The following MED26 variants were observed in gnomAD, a reference collection of about 807,000 sequenced individuals.
MED26 encodes mediator of RNA polymerase II transcription subunit 26.
A neutral mutation model predicts 43.7 loss-of-function variants in MED26; 7 were observed. That is an observed-to-expected ratio of 0.16 (90% confidence interval 0.09 to 0.30). The LOEUF is 0.30. MED26 is among the 10% of genes least tolerant of loss of function. The pLI is 1.00. For synonymous variants in MED26, 375 were observed against 371.1 expected, an observed-to-expected ratio of 1.01 and a Z score of -0.12; for missense variants, 784 against 840.6, an observed-to-expected ratio of 0.93 and a Z score of 0.83.
chr19:16,613,835 T>C (rs2086210737), intron 1 of MED26, among the ~76,000 whole-genome samples: 1 of 152,182 alleles, frequency 6.6e-6, no homozygotes. Flanking sequence ...CCAAAGGATG[T>C]CGAGCCCTTG....
intron 1 of MED26, among the ~76,000 whole-genome samples, chr19:16,594,495 C>T (rs1013828221): frequency 6.6e-6 from 1 of 152,198 alleles, no homozygotes; most frequent in Non-Finnish European, 1.5e-5. Flanking sequence ...TGCCAGAGGA[C>T]ACCCTGCAGC....
At chr19:16,592,640 G>A (rs2086103195) in intron 1 of MED26, among the ~76,000 whole-genome samples, 1 of 152,166 alleles carries the variant, frequency 6.6e-6, no homozygotes, top group African/African-American at 2.4e-5. Flanking sequence ...CATAACCAGT[G>A]TCCCCACCTT....
At chr19:16,626,807 C>T (rs982029447) in intron 1 of MED26, among the ~76,000 whole-genome samples, 15 of 152,164 alleles carry the variant, frequency 9.9e-5, no homozygotes, top group Admixed American at 9.2e-4. Context: ...GGCCTCCCCT[C>T]ATACCTGGAT....
At chr19:16,622,876 T>C (rs1226308424) in intron 1 of MED26, among the ~76,000 whole-genome samples, 2 of 152,166 alleles carry the variant, frequency 1.3e-5, no homozygotes, top group Non-Finnish European at 2.9e-5. Context: ...TAGAGCTCCA[T>C]CTGAGAAGAT....
In MED26 at chr19:16,577,010, T is replaced by G; in HGVS notation, c.820A>C (p.Ser274Arg). The change falls in exon 3 of 3, where the codon AGT becomes CGT. Residue 274 changes from serine (S) to arginine (R), a missense_variant. Around this residue, in one of 3 missense-constraint regions of MED26, gnomAD observed 719 missense variants for 730.9 expected, o/e 0.98. Coordinates refer to ENST00000263390, the MANE Select transcript of MED26 (RefSeq NM_004831.5). The surrounding 1 kb of genome is among the most constrained non-coding windows in gnomAD (Gnocchi z 8.1). ...CCCTCATGCCGTGAGTTCCGAGGAC[T>G]GAAAGAGCAGCGAGGGGGTCCCTTG... ...HPKGPPRCSF[S>R]PRNSRHEGSF... 1 of 1,608,184 alleles carries G rather than the reference T, an allele frequency of 6.2e-7. No homozygotes were observed.
chr19:16,613,396 T>C (rs1159568302), intron 1 of MED26, among the ~76,000 whole-genome samples: 3 of 152,104 alleles, frequency 2.0e-5, no homozygotes, highest in African/African-American at 4.8e-5. Context: ...GCTCTAGAGA[T>C]GTCAGAGGCC....
chr19:16,577,473 G>A lies in MED26; in HGVS notation c.357C>T (p.Gly119=). ...TCAGGTCATGGATGCTCCTGGGTGG[G>A]CCAGCCGCCCCCACCTCCGGCCGGC... ...HNCRPEVGAA[G]PPRSIHDLKS... Residue 119 remains glycine, a synonymous_variant, in exon 3 of 3, where the codon GGC becomes GGT. Transcript: ENST00000263390. The surrounding 1 kb of genome is among the most constrained non-coding windows in gnomAD (Gnocchi z 8.1). 1 of 1,588,524 alleles carries A rather than the reference G, an allele frequency of 6.3e-7. No individual in the cohort carries two copies. The highest frequency in any genetic ancestry group is 8.6e-7 in the Non-Finnish European group (1 of 1,164,780).
At chr19:16,599,954 A>G (rs964827721) in intron 1 of MED26, among the ~76,000 whole-genome samples, 3 of 152,196 alleles carry the variant, frequency 2.0e-5, no homozygotes, top group Non-Finnish European at 4.4e-5. Flanking sequence ...TTGCCACAGA[A>G]GCCTCAAAAG....
chr19:16,614,680 G>A (rs867395867), intron 1 of MED26, among the ~76,000 whole-genome samples: 3 of 152,130 alleles, frequency 2.0e-5, no homozygotes, highest in Non-Finnish European at 2.9e-5. Flanking sequence ...CAAACCTAAC[G>A]GAACTGAGCG....
At chr19:16,612,774 G>C (rs1013459579) in intron 1 of MED26, among the ~76,000 whole-genome samples, 3 of 152,182 alleles carry the variant, frequency 2.0e-5, no homozygotes, top group African/African-American at 7.2e-5. Context: ...CCTCTTCCAA[G>C]GAAGAGGCTC....
intron 1 of MED26, among the ~76,000 whole-genome samples, chr19:16,608,621 T>G (rs2086184860): frequency 6.6e-6 from 1 of 152,258 alleles, no homozygotes; most frequent in Non-Finnish European, 1.5e-5. Flanking sequence ...AGATTTTACT[T>G]TTTTCATTTT....
Position 16,628,102 on chromosome 19 carries a change from G to A in MED26, c.-159C>T. ...CGCGGGGTGGCGGAGAGGGGAGCCGGGGCCGGGTCTCGGTCCCGGGCCGCC... is the reference window on the plus strand; with the variant it reads ...CGCGGGGTGGCGGAGAGGGGAGCCGAGGCCGGGTCTCGGTCCCGGGCCGCC... On this transcript the variant is annotated 5_prime_UTR_variant, in exon 1 of 3. Transcript: ENST00000263390. The A allele has an allele frequency of 5.1e-6, 2 of 389,792 alleles. No individual in the cohort carries two copies. The highest frequency in any genetic ancestry group is 9.0e-6 in the Non-Finnish European group (2 of 223,394). The allele number at this position is 389,792 out of a possible 1,614,324, so 24.1% of individuals were successfully genotyped here.
chr19:16,627,436 G>A (rs935355469), intron 1 of MED26, among the ~76,000 whole-genome samples: 2 of 152,208 alleles, frequency 1.3e-5, no homozygotes, highest in African/African-American at 4.8e-5. Context: ...GCCAAGACAT[G>A]GGAGACATAG....
intron 1 of MED26, among the ~76,000 whole-genome samples, chr19:16,592,928 C>T (rs530182979): frequency 2.6e-5 from 4 of 152,326 alleles, no homozygotes; most frequent in East Asian, 1.9e-4. Context: ...CACAAGTCAA[C>T]GAAAATAACA....
chr19:16,606,041 G>C (rs1008628231), intron 1 of MED26, among the ~76,000 whole-genome samples: 2 of 152,166 alleles, frequency 1.3e-5, no homozygotes, highest in Non-Finnish European at 2.9e-5. Flanking sequence ...ATAGAGCATC[G>C]GATCACTACC....
At chr19:16,621,311 G>A (rs781297486) in intron 1 of MED26, among the ~76,000 whole-genome samples, 1 of 152,190 alleles carries the variant, frequency 6.6e-6, no homozygotes, top group Admixed American at 6.5e-5. Flanking sequence ...GAAGCAATGA[G>A]ACACTCCACA....
rs1209919808 is a variant in MED26 at position 16,599,129 on chromosome 19, G to T, written c.73-20720C>A. On this transcript the variant is annotated intron_variant, in intron 1 of 2. Transcript: ENST00000263390. The stretch of plus-strand genomic sequence containing the variant: ...GTCAGGCAGGGCTCCAGATGCCATC[G>T]AATCATTTTGATTGCCCTTTCCATT... Among the ~76,000 whole-genome samples, 4 of 152,148 alleles carry T rather than the reference G, an allele frequency of 2.6e-5. No homozygotes were observed. The South Asian group carries it at 8.3e-4, about 32-fold the overall frequency.
chr19:16,611,498 T>C (rs1444407700), intron 1 of MED26: 1 of 152,174 alleles, frequency 6.6e-6, no homozygotes, highest in Non-Finnish European at 1.5e-5. Context: ...GCTCAAGTGC[T>C]CTTCAGGCTA....
chr19:16,597,319 AGGGCTCTCCT>A (rs1328188526), intron 1 of MED26: 1 of 398,058 alleles, frequency 2.5e-6, no homozygotes, highest in African/African-American at 2.1e-5. Context: ...GGACCCATTC[AGGGCTCTCCT>A]GCTACTGTTA....
Sources: gnomAD v4.1 joint callset for allele counts (sites outside exome capture counted in the v4.1 genomes callset) on GRCh38, gnomAD v4.1.1 for gene constraint, gnomAD v4.1.1 regional missense constraint, Gnocchi (gnomAD v3.1) non-coding constraint, MANE v1.5 for transcripts, NCBI Gene and HGNC (gene_info 2026-07-23, HGNC 2026-07-21) for gene names.